GFOD1: variants seen among roughly 807,000 people sequenced by gnomAD.
GFOD1 encodes the protein glucose-fructose oxidoreductase domain-containing protein 1.
Under a neutral mutation model 25.4 loss-of-function variants are expected in GFOD1, and 9 were observed. That is an observed-to-expected ratio of 0.35 (90% CI 0.21 to 0.62). GFOD1 has a LOEUF of 0.62. GFOD1 is among the 20% of genes least tolerant of loss of function. The probability of loss-of-function intolerance (pLI) is 0.72; values close to 1 mark genes in which losing one functional copy is unlikely to be tolerated. For synonymous variants in GFOD1, 253 were observed against 245.6 expected (o/e 1.03, Z -0.28); for missense variants, 403 against 556.9 (o/e 0.72, Z 2.78).
At chr6:13,481,220 T>C (rs909325342) in intron 1 of GFOD1, among the ~76,000 whole-genome samples, 3 of 152,166 alleles carry the variant, frequency 2.0e-5, no homozygotes, top group Middle Eastern at 3.2e-3. Flanking sequence ...AACTTTCTAA[T>C]TGGGAGGGGA....
chr6:13,484,482 AAAG>A (rs893330041), intron 1 of GFOD1, among the ~76,000 whole-genome samples: 26 of 152,224 alleles, frequency 1.7e-4, no homozygotes, highest in African/African-American at 6.0e-4. Context: ...GCACCCTGCA[AAAG>A]AAGGAGTTAA....
intron 1 of GFOD1, among the ~76,000 whole-genome samples, chr6:13,441,233 C>T (rs1256882920): frequency 6.6e-6 from 1 of 152,210 alleles, no homozygotes; most frequent in South Asian, 2.1e-4. Context: ...CCACCCTGGA[C>T]ATCTGCCCTT....
chr6:13,484,276 T>C (rs1326617450), intron 1 of GFOD1, among the ~76,000 whole-genome samples: 1 of 152,120 alleles, frequency 6.6e-6, no homozygotes, highest in Non-Finnish European at 1.5e-5. Context: ...AGGCCTTTGC[T>C]AAAAGGACAA....
At chr6:13,410,615 G>GAGAGA (rs1786057857) in intron 1 of GFOD1, among the ~76,000 whole-genome samples, 1 of 88,112 alleles carries the variant, frequency 1.1e-5, no homozygotes, top group African/African-American at 5.7e-5. Context: ...AGAGAGAGAG[G>GAGAGA]AAGGAAGAAA....
chr6:13,484,126 G>A (rs1758814103), intron 1 of GFOD1, among the ~76,000 whole-genome samples: 1 of 152,148 alleles, frequency 6.6e-6, no homozygotes, highest in East Asian at 1.9e-4. Context: ...TCATTTCACT[G>A]TGGTCCCTAG....
intron 1 of GFOD1, among the ~76,000 whole-genome samples, chr6:13,371,453 T>C (rs1785153295): frequency 6.6e-6 from 1 of 152,202 alleles, no homozygotes; most frequent in Non-Finnish European, 1.5e-5. Flanking sequence ...TTACATCCTC[T>C]TGTGGCAAAA....
chr6:13,424,745 T>C (rs1463364327), intron 1 of GFOD1, among the ~76,000 whole-genome samples: 1 of 152,190 alleles, frequency 6.6e-6, no homozygotes, highest in Non-Finnish European at 1.5e-5. Flanking sequence ...AGTCTTCCTT[T>C]TATACTTTTG....
chr6:13,444,041 A>G (rs1222663746), intron 1 of GFOD1, among the ~76,000 whole-genome samples: 1 of 152,210 alleles, frequency 6.6e-6, no homozygotes, highest in Non-Finnish European at 1.5e-5. Context: ...TCATTCCACC[A>G]TAAAGACACA....
At position 13,448,815 on chromosome 6, in the gene GFOD1, T is replaced by C. The variant is rs182743267; in HGVS notation, c.253+37823A>G. Among the ~76,000 whole-genome samples the C allele has an allele frequency of 5.6e-3, 859 of 152,306 alleles. 8 individuals are homozygous for C. The highest frequency in any genetic ancestry group is 0.019 in the African/African-American group (771 of 41,562). ...AACCTGGTGGACAGAGATCTGGCTG[T>C]ACCTCCTGAGATGCTCTGTTCTTAA... On this transcript the variant is annotated intron_variant, in intron 1 of 1. Coordinates refer to ENST00000379287, the MANE Select transcript of GFOD1 (RefSeq NM_018988.4).
rs1436642189 is a variant in GFOD1 at position 13,401,418 on chromosome 6, A to AAGGGAAAG, written c.254-35764_254-35757dup. On this transcript the variant is annotated intron_variant, in intron 1 of 1. Transcript: ENST00000379287. ...TAGTGGAAGGGAAGGGAAAGGGAAA[A>AAGGGAAAG]AGGGAAAGGGAAGGAACCAGTCCTT... 3.7e-3 allele frequency among the ~76,000 whole-genome samples: 545 copies of AAGGGAAAG among 147,448 alleles called. 3 individuals carry two copies. Among genetic ancestry groups the AAGGGAAAG allele is most frequent in the African/African-American group, 0.013 (521 of 40,388 alleles).
chr6:13,405,753 A>C (rs1368638606), intron 1 of GFOD1, among the ~76,000 whole-genome samples: 1 of 152,244 alleles, frequency 6.6e-6, no homozygotes, highest in Non-Finnish European at 1.5e-5. Flanking sequence ...AGGGGAGGAC[A>C]TTCACAGCTT....
intron 1 of GFOD1, among the ~76,000 whole-genome samples, chr6:13,477,029 A>G (rs1758637716): frequency 1.3e-5 from 2 of 152,122 alleles, no homozygotes; most frequent in Admixed American, 1.3e-4. Flanking sequence ...TCCTGCTTTG[A>G]GGACAAGTGC....
chr6:13,427,271 C>A (rs879619397), intron 1 of GFOD1, among the ~76,000 whole-genome samples: 1 of 152,134 alleles, frequency 6.6e-6, no homozygotes. Context: ...CAGAAAAATC[C>A]AATAACTGTT....
chr6:13,361,455 A>C lies in GFOD1; in HGVS notation c.*3288T>G, dbSNP rs937600231. 1.9e-5 allele frequency: 3 copies of C among 154,058 alleles called. No homozygotes were observed. The highest frequency in any genetic ancestry group is 7.2e-5 in the African/African-American group (3 of 41,466). 9.5% of individuals were successfully genotyped at this position (154,058 alleles called of 1,614,324 possible). The stretch of plus-strand genomic sequence containing the variant: ...GCATCGAGGCCCTTGAAACACATTA[A>C]ACAAAGCAGAAAGGAGCCAAAAGAT... On this transcript the variant is annotated 3_prime_UTR_variant, in exon 2 of 2. Transcript: ENST00000379287.
intron 1 of GFOD1, among the ~76,000 whole-genome samples, chr6:13,395,926 G>A (rs1785720308): frequency 6.6e-6 from 1 of 152,224 alleles, no homozygotes; most frequent in Non-Finnish European, 1.5e-5. Flanking sequence ...TTACTCCGTG[G>A]GGGATCTGAG....
intron 1 of GFOD1, among the ~76,000 whole-genome samples, chr6:13,393,835 A>G (rs1428642193): frequency 7.5e-6 from 1 of 134,168 alleles, no homozygotes; most frequent in Non-Finnish European, 1.5e-5. Flanking sequence ...GCTGGAGTAC[A>G]GTGGTGCGAT....
At chr6:13,399,141 GA>G (rs1193719903) in intron 1 of GFOD1, among the ~76,000 whole-genome samples, 1 of 152,022 alleles carries the variant, frequency 6.6e-6, no homozygotes, top group African/African-American at 2.4e-5. Flanking sequence ...CAGCTTCCAG[GA>G]GCATACCACC....
At chr6:13,398,383 T>A (rs1308658128) in intron 1 of GFOD1, among the ~76,000 whole-genome samples, 2 of 152,222 alleles carry the variant, frequency 1.3e-5, no homozygotes, top group African/African-American at 4.8e-5. Context: ...AGTTTATCCT[T>A]TTGAAATGTT....
chr6:13,486,247 T>TCCCCCCCCCCCCCCCCCCCCCC (rs373896526), intron 1 of GFOD1: 3 of 116,340 alleles, frequency 2.6e-5, no homozygotes, highest in East Asian at 5.0e-4. Flanking sequence ...CACCCCCCCA[T>TCCCCCCCCCCCCCCCCCCCCCC]CCCCCCCCCC....
Sources: gnomAD v4.1 joint callset for allele counts (sites outside exome capture counted in the v4.1 genomes callset) on GRCh38, gnomAD v4.1.1 for gene constraint, MANE v1.5 for transcripts, NCBI Gene and HGNC (gene_info 2026-07-23, HGNC 2026-07-21) for gene names.